Variants in ZNF384 observed in about 807,000 individuals in gnomAD.
ZNF384 encodes the protein zinc finger protein 384, also known as CAG repeat protein 1.
Under a neutral mutation model 65.0 loss-of-function variants are expected in ZNF384, and 20 were observed. The observed-to-expected ratio is 0.31, with a 90% CI of 0.22 to 0.45. The LOEUF (loss-of-function observed/expected upper bound fraction) is 0.45. Ranked by LOEUF, ZNF384 falls within the 20% of genes least tolerant of loss-of-function variation. ZNF384 has a pLI of 1.00. For missense variants in ZNF384, 549 were observed against 769.4 expected, an observed-to-expected ratio of 0.71 and a Z score of 3.39; for synonymous variants, 310 against 303.9, an observed-to-expected ratio of 1.02 and a Z score of -0.21.
Position 6,678,471 on chromosome 12 carries a change from G to T in ZNF384, c.353-11C>A. The T allele has an allele frequency of 6.4e-7, 1 of 1,568,444 alleles. No homozygotes were observed. The highest frequency in any genetic ancestry group is 2.3e-5 in the East Asian group (1 of 42,960). On this transcript the variant is annotated splice_polypyrimidine_tract_variant and intron_variant, in intron 5 of 11. Coordinates refer to ENST00000683879, the MANE Select transcript of ZNF384 (RefSeq NM_001385745.1). The surrounding 1 kb of genome is among the most constrained non-coding windows in gnomAD (Gnocchi z 4.9). The stretch of plus-strand genomic sequence containing the variant: ...TTACCAAACCCGGACCTAGGATTGG[G>T]AGAAAAAGGAGATGGCGTCATGTTG...
At chr12:6,679,597 A>C in intron 2 of ZNF384, 72 bp from the exon 3 acceptor site, 2 of 1,248,128 alleles carry the variant, frequency 1.6e-6, no homozygotes, top group Non-Finnish European at 2.3e-6. Context: ...GAGAAGGGGA[A>C]CTGAAGAGTT....
At position 6,672,948 on chromosome 12, in the gene ZNF384, G is replaced by T; in HGVS notation, c.1004+268C>A. 1 of 503,424 alleles carries T rather than the reference G, an allele frequency of 2.0e-6. No homozygotes were observed. Among genetic ancestry groups the T allele is most frequent in the South Asian group, 2.3e-5 (1 of 44,394 alleles). The allele number at this position is 503,424 out of a possible 1,614,324, so 31.2% of individuals were successfully genotyped here. Reference sequence around the variant, plus strand: ...CTCTGAACTGAAGCATATAGTAAAAGCAGGCCTGCTCTGCAGAAGATTTCC... The same window carrying T: ...CTCTGAACTGAAGCATATAGTAAAATCAGGCCTGCTCTGCAGAAGATTTCC... On this transcript the variant is annotated intron_variant, in intron 8 of 11. Coordinates refer to ENST00000683879, the MANE Select transcript of ZNF384 (RefSeq NM_001385745.1). This position sits in a 1 kb window ranked among gnomAD's most constrained non-coding sequence, Gnocchi z 4.4.
In ZNF384 at chr12:6,667,028, C is replaced by T. The variant is rs1309612264; in HGVS notation, c.*686G>A. 4.5e-6 allele frequency: 1 copy of T among 222,144 alleles called. No individual in the cohort carries two copies. The highest frequency in any genetic ancestry group is 5.6e-5 in the Admixed American group (1 of 17,728). The allele number at this position is 222,144 out of a possible 1,614,324, so 13.8% of individuals were successfully genotyped here. On this transcript the variant is annotated 3_prime_UTR_variant, in exon 12 of 12. Transcript: ENST00000683879. ...CTTTGTAGGCAGAGAAGGAGAGAGG[C>T]TTCAAGGAAATCCGTAAAACCATAA...
intron 3 of ZNF384, 82 bp from the exon 4 acceptor site, chr12:6,679,265 C>G (rs1954953644): frequency 2.2e-6 from 3 of 1,359,466 alleles, no homozygotes. Context: ...ACTTCAGTGT[C>G]TGTCCTCCTT....
At chr12:6,670,969 C>A in intron 9 of ZNF384, 131 bp from the exon 10 acceptor site, 1 of 705,296 alleles carries the variant, frequency 1.4e-6, no homozygotes, top group Non-Finnish European at 2.4e-6. Flanking sequence ...GAGGCACCAG[C>A]CTTCCTCTCT....
intron 2 of ZNF384, among the ~76,000 whole-genome samples, chr12:6,679,959 A>G (rs947286926): frequency 7.9e-5 from 12 of 152,142 alleles, no homozygotes; most frequent in South Asian, 2.1e-4. Flanking sequence ...CTTCAAAACT[A>G]TATTCCTTGA....
chr12:6,688,880 C>T (rs1958937863), intron 1 of ZNF384: 1 of 152,572 alleles, frequency 6.6e-6, no homozygotes, highest in African/African-American at 2.4e-5. Context: ...TCCTTCCCCT[C>T]CAGGGAGCTG....
intron 3 of ZNF384, 51 bp from the exon 4 acceptor site, chr12:6,679,234 A>C: frequency 6.7e-7 from 1 of 1,496,482 alleles, no homozygotes; most frequent in South Asian, 1.3e-5. Flanking sequence ...TGAGAGGCTG[A>C]TTCTGCTTGC....
rs1330697036 is a variant in ZNF384, at chr12:6,667,948, T to G, written c.1593A>C (p.Ser531=). Residue 531 remains serine, a synonymous_variant, in exon 12 of 12, where the codon TCA becomes TCC. Transcript: ENST00000683879. The part of the protein sequence containing the change: ...AQAQAQASQA[S]QQQQQQQQQQ... ...GCTGCTGCTGCTGCTGCTGCTGCTG[T>G]GATGCCTGGGAGGCCTGGGCCTGGG... 8 of 1,606,546 alleles carry G rather than the reference T, an allele frequency of 5.0e-6. No individual in the cohort carries two copies. The highest frequency in any genetic ancestry group is 2.2e-5 in the East Asian group (1 of 44,774).
intron 7 of ZNF384, among the ~76,000 whole-genome samples, chr12:6,675,882 A>G (rs1456107525): frequency 1.3e-5 from 2 of 152,196 alleles, no homozygotes; most frequent in African/African-American, 2.4e-5. Flanking sequence ...AAAGAGTGGG[A>G]GATACGTTGA....
intron 6 of ZNF384, among the ~76,000 whole-genome samples, chr12:6,677,570 T>C (rs1954143108): frequency 1.3e-5 from 2 of 152,184 alleles, no homozygotes; most frequent in Admixed American, 6.5e-5. Context: ...TCAAAATGAC[T>C]TTCATAAATT....
chr12:6,668,529 C>G (rs1344470973), intron 11 of ZNF384, among the ~76,000 whole-genome samples: 1 of 151,698 alleles, frequency 6.6e-6, no homozygotes, highest in African/African-American at 2.4e-5. Context: ...ATGGTGAAAC[C>G]CCATGTCTAC....
Position 6,666,899 on chromosome 12 carries a change from G to C in ZNF384, c.*815C>G, listed in dbSNP as rs892107555. 1 of 193,082 alleles carries C rather than the reference G, an allele frequency of 5.2e-6. No homozygotes were observed. Among genetic ancestry groups the C allele is most frequent in the Non-Finnish European group, 1.1e-5 (1 of 92,560 alleles). The allele number at this position is 193,082 out of a possible 1,614,324, so 12.0% of individuals were successfully genotyped here. ...TAAGTCCAGTCCTTGCGTTTGCCTTGAACTCTCCCTTCTCCGCAACACCCC... is the reference window on the plus strand; with the variant it reads ...TAAGTCCAGTCCTTGCGTTTGCCTTCAACTCTCCCTTCTCCGCAACACCCC... On this transcript the variant is annotated 3_prime_UTR_variant, in exon 12 of 12. Transcript: ENST00000683879.
rs924006682 is a variant in ZNF384 at position 6,672,263 on chromosome 12, C to T, written c.1187+87G>A. On this transcript the variant is annotated intron_variant, in intron 9 of 11. Transcript: ENST00000683879. This position sits in a 1 kb window ranked among gnomAD's most constrained non-coding sequence, Gnocchi z 4.4. Reference sequence around the variant, plus strand: ...CCAGCCAGGTCTCTCCCCCGCCCCCCGCATGCGGGTTGTTGTGTGTGTCCG... The same window carrying T: ...CCAGCCAGGTCTCTCCCCCGCCCCCTGCATGCGGGTTGTTGTGTGTGTCCG... 21 of 1,425,028 alleles carry T rather than the reference C, an allele frequency of 1.5e-5. No homozygotes were observed. Among genetic ancestry groups the T allele is most frequent in the South Asian group, 2.8e-5 (2 of 72,558 alleles). 88.3% of individuals were successfully genotyped at this position (1,425,028 alleles called of 1,614,324 possible). A position where few individuals can be genotyped will look rare whatever the true frequency, so the allele number is the denominator to read the frequency against.
Position 6,666,683 on chromosome 12 carries a change from G to C in ZNF384, c.*1031C>G. On this transcript the variant is annotated 3_prime_UTR_variant, in exon 12 of 12. Transcript: ENST00000683879. ...AGAAAAATGCTGTGGCTAGAGGACA[G>C]GGGTGGAGAGAGGGAAAAAAAGGAC... 1 of 168,476 alleles carries C rather than the reference G, an allele frequency of 5.9e-6. No individual in the cohort carries two copies. The highest frequency in any genetic ancestry group is 1.3e-5 in the Non-Finnish European group (1 of 78,468). The allele number at this position is 168,476 out of a possible 1,614,324, so 10.4% of individuals were successfully genotyped here.
At chr12:6,686,262 C>A (rs1019291632) in intron 2 of ZNF384, among the ~76,000 whole-genome samples, 5 of 152,118 alleles carry the variant, frequency 3.3e-5, no homozygotes, top group Admixed American at 2.0e-4. Context: ...CTTCTGAATT[C>A]TTTTTTTATG....
At chr12:6,684,401 T>C (rs555476604) in intron 2 of ZNF384, among the ~76,000 whole-genome samples, 10 of 152,388 alleles carry the variant, frequency 6.6e-5, no homozygotes, top group African/African-American at 2.4e-4. Flanking sequence ...ATTGAAGTTT[T>C]TGATAACAGC....
At position 6,667,613 on chromosome 12, in the gene ZNF384, A is replaced by C; in HGVS notation, c.*101T>G. ...GACAGAGGCCCAAGGAGATGGAGCC[A>C]AGGCCTGTCAAGGAAGAAAAGGACT... On this transcript the variant is annotated 3_prime_UTR_variant, in exon 12 of 12. Coordinates refer to ENST00000683879, the MANE Select transcript of ZNF384 (RefSeq NM_001385745.1). 20 of 1,461,260 alleles carry C rather than the reference A, an allele frequency of 1.4e-5. No homozygotes were observed. Among genetic ancestry groups the C allele is most frequent in the Non-Finnish European group, 1.7e-5 (18 of 1,048,496 alleles). The allele number at this position is 1,461,260 out of a possible 1,614,324, so 90.5% of individuals were successfully genotyped here. A position where few individuals can be genotyped will look rare whatever the true frequency, so the allele number is the denominator to read the frequency against.
intron 2 of ZNF384, among the ~76,000 whole-genome samples, chr12:6,683,661 CAAAAAAAA>C (rs550687196): frequency 1.0e-4 from 7 of 66,702 alleles, no homozygotes; most frequent in African/African-American, 2.0e-4. Context: ...GACCCTGTCT[CAAAAAAAA>C]AAAAAAAAAA....
Sources: allele counts gnomAD v4.1 joint callset (sites outside exome capture counted in the v4.1 genomes callset), GRCh38; gene constraint gnomAD v4.1.1; non-coding constraint Gnocchi (gnomAD v3.1); transcripts MANE v1.5; gene names NCBI Gene and HGNC (gene_info 2026-07-23, HGNC 2026-07-21).